Variants in RBFOX1 observed in about 807,000 individuals in gnomAD.
RBFOX1 encodes RNA binding protein fox-1 homolog 1.
A neutral mutation model predicts 57.7 loss-of-function variants in RBFOX1; 8 were observed. That is an observed-to-expected ratio of 0.14 (90% CI 0.08 to 0.25). RBFOX1 has a LOEUF of 0.25. RBFOX1 is among the 10% of genes least tolerant of loss of function. The pLI is 1.00. For missense variants in RBFOX1, 611 were observed against 548.5 expected, an observed-to-expected ratio of 1.11 and a Z score of -1.14; for synonymous variants, 326 against 222.4, an observed-to-expected ratio of 1.47 and a Z score of -4.15.
chr16:5,628,365 C>G (rs1202806250), intron 3 of RBFOX1, among the ~76,000 whole-genome samples: 1 of 152,036 alleles, frequency 6.6e-6, no homozygotes, highest in African/African-American at 2.4e-5. Context: ...TTATTGGACC[C>G]TCTGTATCCT....
intron 4 of RBFOX1, among the ~76,000 whole-genome samples, chr16:7,174,737 G>A (rs776656313): frequency 1.3e-5 from 2 of 152,162 alleles, no homozygotes; most frequent in South Asian, 2.1e-4. Flanking sequence ...CCAAGATTGC[G>A]CCATTGCACT....
chr16:6,888,029 G>C (rs2064527998), intron 3 of RBFOX1, among the ~76,000 whole-genome samples: 2 of 151,978 alleles, frequency 1.3e-5, no homozygotes, highest in Admixed American at 1.3e-4. Context: ...TTGATTTGAG[G>C]TGTTTGCTTG....
chr16:6,196,317 C>T (rs2097179503), intron 1 of RBFOX1, among the ~76,000 whole-genome samples: 1 of 152,172 alleles, frequency 6.6e-6, no homozygotes, highest in African/African-American at 2.4e-5. Context: ...TGTCAAGTTA[C>T]TGGATATGTT....
intron 1 of RBFOX1, among the ~76,000 whole-genome samples, chr16:5,387,272 G>C (rs896325975): frequency 2.0e-5 from 3 of 152,108 alleles, no homozygotes; most frequent in East Asian, 1.9e-4. Context: ...GAATCTGCTG[G>C]GAGTTTCATT....
intron 4 of RBFOX1, among the ~76,000 whole-genome samples, chr16:6,011,571 T>A (rs1321539963): frequency 6.6e-6 from 1 of 152,186 alleles, no homozygotes. Context: ...TTCTCTGTAG[T>A]TAAAGGTCAT....
chr16:6,665,062 G>T (rs2098723354), intron 3 of RBFOX1, among the ~76,000 whole-genome samples: 1 of 152,206 alleles, frequency 6.6e-6, no homozygotes, highest in Admixed American at 6.5e-5. Flanking sequence ...TGACAGTTAT[G>T]AGTAAAGTGG....
At chr16:6,873,043 C>T (rs987147986) in intron 3 of RBFOX1, among the ~76,000 whole-genome samples, 25 of 151,720 alleles carry the variant, frequency 1.6e-4, no homozygotes, top group African/African-American at 6.1e-4. Flanking sequence ...ATATTCTCAG[C>T]ATTTCTGAGG....
intron 4 of RBFOX1, among the ~76,000 whole-genome samples, chr16:5,918,197 G>A (rs2152222978): frequency 6.6e-6 from 1 of 152,252 alleles, no homozygotes; most frequent in East Asian, 1.9e-4. Context: ...TCAGGTCACT[G>A]CAACCTCTGC....
At chr16:7,331,109 C>A (rs1237093271) in intron 4 of RBFOX1, among the ~76,000 whole-genome samples, 4 of 152,106 alleles carry the variant, frequency 2.6e-5, no homozygotes, top group Non-Finnish European at 5.9e-5. Flanking sequence ...CTCTGCCAAA[C>A]CCTGTCCGCC....
chr16:6,554,877 T>C (rs2153888947), intron 2 of RBFOX1, among the ~76,000 whole-genome samples: 2 of 152,150 alleles, frequency 1.3e-5, no homozygotes, highest in South Asian at 4.1e-4. Context: ...CTCTCACTCA[T>C]GAGTGCTGTA....
chr16:5,553,323 T>C (rs1177824146), intron 2 of RBFOX1, among the ~76,000 whole-genome samples: 1 of 151,932 alleles, frequency 6.6e-6, no homozygotes, highest in Non-Finnish European at 1.5e-5. Flanking sequence ...TGAATATTTT[T>C]TTTTTTTTTT....
chr16:5,820,266 C>G (rs1200542155), intron 3 of RBFOX1, among the ~76,000 whole-genome samples: 3 of 152,246 alleles, frequency 2.0e-5, no homozygotes, highest in Admixed American at 6.5e-5. Flanking sequence ...GCTACATTGT[C>G]TTATTCAGTT....
chr16:7,499,872 A>C (rs999279978), intron 4 of RBFOX1, among the ~76,000 whole-genome samples: 1 of 151,880 alleles, frequency 6.6e-6, no homozygotes, highest in Non-Finnish European at 1.5e-5. Flanking sequence ...AGACTTCTAC[A>C]CTGTGAGTAT....
chr16:6,231,315 G>A (rs1462673533), intron 1 of RBFOX1, among the ~76,000 whole-genome samples: 4 of 151,562 alleles, frequency 2.6e-5, no homozygotes, highest in African/African-American at 9.7e-5. Context: ...TATGTTGAAA[G>A]ATGAAGGTTA....
At chr16:7,630,582 A>ATC (rs371317235) in intron 10 of RBFOX1, 21 bp from the exon 11 acceptor site, 32 of 1,609,752 alleles carry the variant, frequency 2.0e-5, no homozygotes, top group African/African-American at 4.0e-5. Flanking sequence ...ACCAGATACC[A>ATC]TCTCTCTCTC....
chr16:6,801,101 G>C (rs1328807015), intron 3 of RBFOX1, among the ~76,000 whole-genome samples: 1 of 151,188 alleles, frequency 6.6e-6, no homozygotes, highest in African/African-American at 2.4e-5. Flanking sequence ...CCATTCAGTA[G>C]ATCTGGGGAT....
chr16:5,790,003 C>T (rs185963005), intron 3 of RBFOX1, among the ~76,000 whole-genome samples: 3 of 152,338 alleles, frequency 2.0e-5, no homozygotes, highest in Admixed American at 2.0e-4. Flanking sequence ...GTTTATTTCT[C>T]TCCCATGTGA....
intron 3 of RBFOX1, among the ~76,000 whole-genome samples, chr16:6,688,580 C>A (rs1050726121): frequency 6.6e-6 from 1 of 152,172 alleles, no homozygotes; most frequent in African/African-American, 2.4e-5. Flanking sequence ...CTGAAGACTA[C>A]CAGAGGTGAA....
chr16:5,963,702 C>T lies in RBFOX1; in HGVS notation c.351+96367C>T, dbSNP rs144362674. ...AATGTTAATGGGACAACTGGATATC[C>T]AGAGGCAGAAGAGTGAAATTAGATC... On this transcript the variant is annotated intron_variant, in intron 4 of 19. Coordinates refer to the RBFOX1 transcript ENST00000641259. 5.3e-4 allele frequency among the ~76,000 whole-genome samples: 80 copies of T among 152,236 alleles called. 2 individuals are homozygous for T. Among genetic ancestry groups the T allele is most frequent in the African/African-American group, 1.8e-3 (75 of 41,548 alleles).
Sources: gnomAD v4.1 joint callset for allele counts (sites outside exome capture counted in the v4.1 genomes callset) on GRCh38, gnomAD v4.1.1 for gene constraint, MANE v1.5 for transcripts, NCBI Gene and HGNC (gene_info 2026-07-23, HGNC 2026-07-21) for gene names.